The following SOD2 variants were observed in gnomAD, a reference collection of about 807,000 sequenced individuals.
SOD2 encodes superoxide dismutase 2, also known as superoxide dismutase [Mn], mitochondrial.
SOD2 carries 11 observed loss-of-function variants against 27.0 expected under a neutral mutation model. The ratio of observed to expected loss-of-function variants is 0.41; its 90% confidence interval spans 0.26 to 0.67. SOD2 has a LOEUF of 0.67. Ranked by LOEUF, SOD2 falls within the 30% of genes least tolerant of loss-of-function variation. The pLI, the probability that SOD2 is intolerant of heterozygous loss-of-function variation, is 0.34. For synonymous variants in SOD2, 105 were observed against 103.0 expected, an observed-to-expected ratio of 1.02 and a Z score of -0.12; for missense variants, 250 against 274.5, an observed-to-expected ratio of 0.91 and a Z score of 0.63.
At chr6:159,743,305 C>T (rs921565586) in intron 1 of SOD2, among the ~76,000 whole-genome samples, 26 of 152,236 alleles carry the variant, frequency 1.7e-4, no homozygotes, top group African/African-American at 6.0e-4. Flanking sequence ...CCTCAGCCTC[C>T]CAAAGTGCTG....
intron 1 of SOD2, among the ~76,000 whole-genome samples, chr6:159,751,225 C>T (rs554120372): frequency 1.1e-4 from 16 of 152,172 alleles, no homozygotes; most frequent in Non-Finnish European, 2.2e-4. Flanking sequence ...ATATGACTAT[C>T]TTAGCTTAGA....
chr6:159,741,740 C>T, intron 1 of SOD2: 1 of 181,768 alleles, frequency 5.5e-6, no homozygotes, highest in Middle Eastern at 2.5e-3. Flanking sequence ...GTAATTTCAG[C>T]AGTTTGGGAG....
chr6:159,728,000 C>G (rs752853530), upstream of SOD2, among the ~76,000 whole-genome samples: 1 of 152,250 alleles, frequency 6.6e-6, no homozygotes, highest in Non-Finnish European at 1.5e-5. Flanking sequence ...CCGGGCTGAG[C>G]GGCGGCGCTC....
At chr6:159,741,636 T>C (rs1264472558) in intron 1 of SOD2, 1 of 158,072 alleles carries the variant, frequency 6.3e-6, no homozygotes, top group African/African-American at 2.4e-5. Flanking sequence ...ATATATCTCT[T>C]TTTACCTGTT....
rs966784940 is a variant in SOD2 at position 159,676,556 on chromosome 6, T to C, written c.*5937A>G. 6.6e-6 allele frequency: 1 copy of C among 151,778 alleles called. No individual in the cohort carries two copies. Among genetic ancestry groups the C allele is most frequent in the South Asian group, 2.1e-4 (1 of 4,810 alleles). 9.4% of individuals were successfully genotyped at this position (151,778 alleles called of 1,614,324 possible). Reference sequence around the variant, plus strand: ...GATGGGAATTGAACAATGAGAACACTTGGACACAGGAAGGGGAACATCACA... The same window carrying C: ...GATGGGAATTGAACAATGAGAACACCTGGACACAGGAAGGGGAACATCACA... On this transcript the variant is annotated 3_prime_UTR_variant, in exon 5 of 5. Coordinates refer to ENST00000538183, the MANE Select transcript of SOD2 (RefSeq NM_000636.4).
At chr6:159,684,829 T>C in intron 4 of SOD2, 25 bp downstream of exon 4, 2 of 1,585,366 alleles carry the variant, frequency 1.3e-6, no homozygotes, top group Non-Finnish European at 1.7e-6. Context: ...CTCTCCCAAA[T>C]GAAATCACAA....
chr6:159,746,888 TA>T (rs1372346177), upstream of SOD2, among the ~76,000 whole-genome samples: 2 of 152,212 alleles, frequency 1.3e-5, no homozygotes, highest in Non-Finnish European at 2.9e-5. Context: ...TGGGTCTTTG[TA>T]AAGCTAAATA....
At chr6:159,700,520 G>A (rs1777505425) in intron 1 of SOD2, among the ~76,000 whole-genome samples, 1 of 152,032 alleles carries the variant, frequency 6.6e-6, no homozygotes, top group Non-Finnish European at 1.5e-5. Flanking sequence ...TGGGTGTGGT[G>A]GCAGGCGCCT....
upstream of SOD2, among the ~76,000 whole-genome samples, chr6:159,745,603 G>T (rs1398974784): frequency 6.6e-6 from 1 of 152,088 alleles, no homozygotes; most frequent in Non-Finnish European, 1.5e-5. Flanking sequence ...AAAGTTTCAG[G>T]TGAGAGTGAA....
At chr6:159,708,317 G>C (rs562344214) in intron 1 of SOD2, among the ~76,000 whole-genome samples, 2 of 152,302 alleles carry the variant, frequency 1.3e-5, no homozygotes, top group South Asian at 4.1e-4. Flanking sequence ...TAGGAAAAGA[G>C]GAAGTCAAAT....
chr6:159,730,824 CAG>C (rs1164606066), upstream of SOD2: 2 of 152,140 alleles, frequency 1.3e-5, no homozygotes, highest in African/African-American at 4.8e-5. Context: ...ATTACAAATA[CAG>C]AGTTTTATTT....
chr6:159,691,340 G>A (rs1777180085), intron 2 of SOD2: 1 of 152,146 alleles, frequency 6.6e-6, no homozygotes, highest in Admixed American at 6.5e-5. Flanking sequence ...TCTGTCTCAA[G>A]TAAATCTTCC....
intron 1 of SOD2, among the ~76,000 whole-genome samples, chr6:159,724,387 A>G (rs1318507190): frequency 6.6e-6 from 1 of 152,216 alleles, no homozygotes; most frequent in Non-Finnish European, 1.5e-5. Flanking sequence ...ATCCTACCAT[A>G]TACAGTACAG....
chr6:159,727,518 C>T, upstream of SOD2: 1 of 992,346 alleles, frequency 1.0e-6, no homozygotes, highest in Non-Finnish European at 1.2e-6. Context: ...CCCTCAGCGC[C>T]ATTTTGTGGC....
upstream of SOD2, among the ~76,000 whole-genome samples, chr6:159,697,970 T>C (rs1777455048): frequency 6.6e-6 from 1 of 152,086 alleles, no homozygotes; most frequent in Non-Finnish European, 1.5e-5. Context: ...TGAAACCCCA[T>C]CTCTACTAAA....
upstream of SOD2, chr6:159,727,746 C>T: frequency 1.0e-6 from 1 of 984,210 alleles, no homozygotes. Context: ...GGGGGACCTC[C>T]GGGGCCTGAG....
chr6:159,727,310 C>T (rs764892887), exon 1 of SOD2: 2 of 1,280,876 alleles, frequency 1.6e-6, no homozygotes, highest in South Asian at 1.2e-5. Context: ...GTGACTGCGG[C>T]CACGCCTGAA....
At chr6:159,747,897 T>A (rs948190318), upstream of SOD2, among the ~76,000 whole-genome samples, 6 of 152,348 alleles carry the variant, frequency 3.9e-5, no homozygotes, top group Admixed American at 6.5e-5. Context: ...CTTAAATAGT[T>A]ATTTTTTTAA....
chr6:159,746,137 T>G (rs1160628882), upstream of SOD2, among the ~76,000 whole-genome samples: 8 of 152,186 alleles, frequency 5.3e-5, no homozygotes, highest in Non-Finnish European at 1.0e-4. Flanking sequence ...AATTTAAAAT[T>G]GTTCGTTAGA....
Sources: allele counts gnomAD v4.1 joint callset (sites outside exome capture counted in the v4.1 genomes callset), GRCh38; gene constraint gnomAD v4.1.1; transcripts MANE v1.5; gene names NCBI Gene and HGNC (gene_info 2026-07-23, HGNC 2026-07-21).